The following HHIP variants were observed in gnomAD, a reference collection of about 807,000 sequenced individuals.
HHIP encodes hedgehog interacting protein.
HHIP carries 12 observed loss-of-function variants against 74.0 expected under a neutral mutation model. That is an observed-to-expected ratio of 0.16 (90% CI 0.10 to 0.26). The LOEUF (loss-of-function observed/expected upper bound fraction) is 0.26. HHIP is among the 10% of genes least tolerant of loss of function. The pLI, the probability that HHIP is intolerant of heterozygous loss-of-function variation, is 1.00. For synonymous variants in HHIP, 309 were observed against 311.6 expected, an observed-to-expected ratio of 0.99 and a Z score of 0.09; for missense variants, 788 against 845.0, an observed-to-expected ratio of 0.93 and a Z score of 0.84.
At chr4:144,666,865 T>G (rs1388935749) in intron 4 of HHIP, among the ~76,000 whole-genome samples, 1 of 152,214 alleles carries the variant, frequency 6.6e-6, no homozygotes, top group African/African-American at 2.4e-5. Flanking sequence ...TCACTTTCTT[T>G]ATCTGTTAAA....
chr4:144,726,355 T>C (rs1730807299), intron 11 of HHIP, among the ~76,000 whole-genome samples: 1 of 152,196 alleles, frequency 6.6e-6, no homozygotes, highest in South Asian at 2.1e-4. Context: ...TATATTATAT[T>C]TGCATTATGT....
At chr4:144,712,592 A>G (rs1373867837) in intron 8 of HHIP, among the ~76,000 whole-genome samples, 3 of 152,240 alleles carry the variant, frequency 2.0e-5, no homozygotes, top group Non-Finnish European at 4.4e-5. Flanking sequence ...GGGACATTTA[A>G]GCAGTATTTT....
chr4:144,729,819 A>G (rs1049634457), intron 11 of HHIP, among the ~76,000 whole-genome samples: 1 of 152,032 alleles, frequency 6.6e-6, no homozygotes, highest in African/African-American at 2.4e-5. Context: ...GGATATCTAC[A>G]TAAGTATTAT....
At chr4:144,726,093 T>A (rs972362139) in intron 11 of HHIP, among the ~76,000 whole-genome samples, 5 of 152,210 alleles carry the variant, frequency 3.3e-5, no homozygotes, top group Non-Finnish European at 1.5e-5. Flanking sequence ...TACTTGTGTT[T>A]AACATTTTTA....
intron 2 of HHIP, among the ~76,000 whole-genome samples, chr4:144,655,873 G>A (rs976812752): frequency 2.6e-5 from 4 of 151,948 alleles, no homozygotes; most frequent in African/African-American, 4.8e-5. Context: ...TATTTTATAC[G>A]TCAGTATTTA....
chr4:144,652,444 T>C (rs1038886119), intron 1 of HHIP, among the ~76,000 whole-genome samples, 161 bp from the exon 2 acceptor site: 2 of 152,290 alleles, frequency 1.3e-5, no homozygotes, highest in African/African-American at 2.4e-5. Context: ...TATACTTGTA[T>C]CCTTATAAAG....
At chr4:144,681,483 T>G (rs1349369446) in intron 4 of HHIP, among the ~76,000 whole-genome samples, 1 of 142,202 alleles carries the variant, frequency 7.0e-6, no homozygotes, top group African/African-American at 2.6e-5. Context: ...TGGAGTGCAG[T>G]GGCGTAATCT....
At chr4:144,726,789 A>G (rs931665050) in intron 11 of HHIP, among the ~76,000 whole-genome samples, 1 of 152,196 alleles carries the variant, frequency 6.6e-6, no homozygotes, top group African/African-American at 2.4e-5. Context: ...GTCAATGAAA[A>G]GGAAGTGCCT....
chr4:144,717,233 A>G (rs1020309526), intron 10 of HHIP, among the ~76,000 whole-genome samples: 4 of 152,240 alleles, frequency 2.6e-5, no homozygotes. Context: ...ACCTTTTGAA[A>G]TAAAAGTATT....
At chr4:144,681,854 C>T (rs1377082845) in intron 4 of HHIP, among the ~76,000 whole-genome samples, 1 of 152,138 alleles carries the variant, frequency 6.6e-6, no homozygotes, top group African/African-American at 2.4e-5. Context: ...TTCTGAGCAT[C>T]AAAGAAGATA....
chr4:144,671,678 T>C (rs567016074), intron 4 of HHIP, among the ~76,000 whole-genome samples: 1 of 152,278 alleles, frequency 6.6e-6, no homozygotes, highest in African/African-American at 2.4e-5. Flanking sequence ...CGGCCTCATC[T>C]ATGAAGTCAA....
chr4:144,698,719 TTTA>T (rs1456261987), intron 4 of HHIP, among the ~76,000 whole-genome samples: 2 of 152,182 alleles, frequency 1.3e-5, no homozygotes, highest in African/African-American at 4.8e-5. Context: ...ACGTCCTTCG[TTTA>T]TTGTGGCTGG....
intron 8 of HHIP, among the ~76,000 whole-genome samples, chr4:144,712,719 G>C (rs940305886): frequency 6.6e-6 from 1 of 151,926 alleles, no homozygotes; most frequent in Non-Finnish European, 1.5e-5. Context: ...CCTTTTGAAG[G>C]AAGCAATATA....
intron 4 of HHIP, among the ~76,000 whole-genome samples, chr4:144,676,823 G>A (rs767768244): frequency 6.6e-6 from 1 of 152,198 alleles, no homozygotes; most frequent in East Asian, 1.9e-4. Flanking sequence ...ATGCCGTAAG[G>A]AAGGTATAAC....
chr4:144,707,149 A>G lies in HHIP; in HGVS notation c.1046A>G (p.His349Arg). 1 of 1,614,040 alleles carries G rather than the reference A, an allele frequency of 6.2e-7. No homozygotes were observed. The highest frequency in any genetic ancestry group is 8.5e-7 in the Non-Finnish European group (1 of 1,179,898). The part of the protein sequence containing the change: ...ARVFLEVAEL[H>R]RKHLGGQLLF... ...GTCTTTCTTGAAGTTGCAGAACTCCACAGAAAGCATCTGGGAGGACAACTG... is the reference window on the plus strand; with the variant it reads ...GTCTTTCTTGAAGTTGCAGAACTCCGCAGAAAGCATCTGGGAGGACAACTG... The change falls in exon 6 of 13, where the codon CAC (histidine) becomes CGC (arginine). Residue 349 changes from histidine (H) to arginine (R), a missense_variant. By Grantham distance (29) the His-to-Arg change is conservative (BLOSUM62 0). Around this residue, in one of 3 missense-constraint regions of HHIP, gnomAD observed 72 missense variants for 130.6 expected, o/e 0.55. Coordinates refer to ENST00000296575, the MANE Select transcript of HHIP (RefSeq NM_022475.3).
chr4:144,724,514 G>A (rs1342519086), intron 11 of HHIP, among the ~76,000 whole-genome samples: 1 of 151,354 alleles, frequency 6.6e-6, no homozygotes, highest in East Asian at 1.9e-4. Flanking sequence ...TGACAAATAA[G>A]AATTGCATAT....
At chr4:144,687,354 G>T (rs946398972) in intron 4 of HHIP, among the ~76,000 whole-genome samples, 1 of 152,162 alleles carries the variant, frequency 6.6e-6, no homozygotes, top group Non-Finnish European at 1.5e-5. Flanking sequence ...AGGGCTGAAT[G>T]TAGTATCTGG....
intron 4 of HHIP, among the ~76,000 whole-genome samples, chr4:144,672,727 A>G (rs1395502625): frequency 6.6e-6 from 1 of 151,812 alleles, no homozygotes; most frequent in African/African-American, 2.4e-5. Flanking sequence ...TTTGAGATGG[A>G]GTCTTGCTTT....
Position 144,737,764 on chromosome 4 carries a change from C to A in HHIP, c.1910C>A (p.Ala637Glu). ...TGTTCTTGCTCTTTTTCTCTCCCAG[C>A]AAAATGTGAGCCAGCATGTCGTCAT... ...PGWEGDFCRT[A>E]KCEPACRHGG... The change falls in exon 13 of 13, where the codon GCA becomes GAA. Residue 637 changes from alanine (A) to glutamate (E), a missense_variant and splice_region_variant. This residue lies in a region of HHIP where 343 missense variants were observed against 347.9 expected (regional missense o/e 0.99). Transcript: ENST00000296575. 1 of 1,595,758 alleles carries A rather than the reference C, an allele frequency of 6.3e-7. No homozygotes were observed. Among genetic ancestry groups the A allele is most frequent in the South Asian group, 1.1e-5 (1 of 88,340 alleles).
Sources: gnomAD v4.1 joint callset for allele counts (sites outside exome capture counted in the v4.1 genomes callset) on GRCh38, gnomAD v4.1.1 for gene constraint, gnomAD v4.1.1 regional missense constraint, MANE v1.5 for transcripts, NCBI Gene and HGNC (gene_info 2026-07-23, HGNC 2026-07-21) for gene names.